ITGA11: variants seen among roughly 807,000 people sequenced by gnomAD.
ITGA11 encodes the protein integrin subunit alpha 11, also known as integrin alpha-11.
ITGA11 carries 97 observed loss-of-function variants against 141.9 expected under a neutral mutation model. That is an observed-to-expected ratio of 0.68 (90% confidence interval 0.58 to 0.81). ITGA11 has a LOEUF of 0.81. Ranked by LOEUF, ITGA11 falls within the 30% of genes least tolerant of loss-of-function variation. ITGA11 has a pLI of 0.00. For synonymous variants in ITGA11, 658 were observed against 624.6 expected (o/e 1.05, Z -0.80); for missense variants, 1,387 against 1,559.2 (o/e 0.89, Z 1.86).
intron 4 of ITGA11, chr15:68,361,913 A>C: frequency 2.0e-6 from 1 of 490,334 alleles, no homozygotes; most frequent in Non-Finnish European, 3.7e-6. Context: ...AATGGAGAAA[A>C]ACTGATCTTG....
At chr15:68,375,659 G>A (rs1242354428) in intron 2 of ITGA11, among the ~76,000 whole-genome samples, 1 of 152,218 alleles carries the variant, frequency 6.6e-6, no homozygotes, top group African/African-American at 2.4e-5. Context: ...AGGGAAACGA[G>A]AGCCCCTCTG....
In ITGA11 at chr15:68,416,662, A is replaced by G. The variant is rs1019378386; in HGVS notation, c.53-13633T>C. Among the ~76,000 whole-genome samples the G allele has an allele frequency of 2.0e-5, 3 of 152,304 alleles. No homozygotes were observed. The East Asian group carries it at 5.8e-4, about 29-fold the overall frequency. On this transcript the variant is annotated intron_variant, in intron 1 of 29. Transcript: ENST00000315757. ...GGGTCATGGCTGGGTGCGGTGGCTC[A>G]CACCTATAATCCTAGCACTTTGGGA...
intron 1 of ITGA11, among the ~76,000 whole-genome samples, chr15:68,409,691 C>T (rs1185802088): frequency 1.3e-5 from 2 of 152,040 alleles, no homozygotes; most frequent in African/African-American, 4.8e-5. Flanking sequence ...TAATTGTGTA[C>T]ATGAACAAAG....
chr15:68,331,101 G>A lies in ITGA11; in HGVS notation c.1781C>T (p.Ala594Val). Residue 594 changes from alanine to valine, a missense_variant, in exon 15 of 30, where the codon GCC becomes GTC. Coordinates refer to ENST00000315757, the MANE Select transcript of ITGA11 (RefSeq NM_001004439.2). The part of the protein sequence containing the change: ...ILKTPKQRIT[A>V]SELATGLQYF... The stretch of plus-strand genomic sequence containing the variant: ...CTGGAGGCCGGTAGCCAGCTCTGAG[G>A]CTGTGATTCTCTGCAGGGCGCGGGA... 1.9e-6 allele frequency: 3 copies of A among 1,597,276 alleles called. No individual in the cohort carries two copies. The highest frequency in any genetic ancestry group is 1.7e-6 in the Non-Finnish European group (2 of 1,172,144).
At chr15:68,414,927 C>T (rs539920121) in intron 1 of ITGA11, among the ~76,000 whole-genome samples, 2 of 152,288 alleles carry the variant, frequency 1.3e-5, no homozygotes, top group Non-Finnish European at 2.9e-5. Context: ...TGATGCCAAG[C>T]CAGTTCTTAC....
intron 3 of ITGA11, among the ~76,000 whole-genome samples, chr15:68,367,986 C>A (rs1452054182): frequency 6.6e-6 from 1 of 152,188 alleles, no homozygotes; most frequent in Non-Finnish European, 1.5e-5. Context: ...AGTTTGGGCC[C>A]CGGCTATGCT....
intron 8 of ITGA11, 97 bp from the exon 9 acceptor site, chr15:68,350,879 G>T: frequency 7.9e-7 from 1 of 1,257,902 alleles, no homozygotes; most frequent in Non-Finnish European, 1.1e-6. Context: ...AGGGTGGGCT[G>T]GAGCCAGGGC....
rs1377720987 is a variant in ITGA11, at chr15:68,302,580, G to T, written c.*479C>A. 1 of 153,618 alleles carries T rather than the reference G, an allele frequency of 6.5e-6. No individual in the cohort carries two copies. The highest frequency in any genetic ancestry group is 2.4e-5 in the African/African-American group (1 of 41,474). 9.5% of individuals were successfully genotyped at this position (153,618 alleles called of 1,614,324 possible). ...AGTGGGTGTGACTTGGGAGCCAATG[G>T]AGGGGTGGGATGGGTGAGAGAAAAG... is the stretch of plus-strand genomic sequence containing the variant. On this transcript the variant is annotated 3_prime_UTR_variant, in exon 30 of 30. Transcript: ENST00000315757.
Position 68,307,585 on chromosome 15 carries a change from C to T in ITGA11, c.3285+1G>A. 6.2e-7 allele frequency: 1 copy of T among 1,608,618 alleles called. No homozygotes were observed. The highest frequency in any genetic ancestry group is 1.1e-5 in the South Asian group (1 of 90,612). On this transcript the variant is annotated splice_donor_variant, in intron 27 of 29. Coordinates refer to ENST00000315757, the MANE Select transcript of ITGA11 (RefSeq NM_001004439.2). LOFTEE classifies it high-confidence loss of function. This position sits in a 1 kb window ranked among gnomAD's most constrained non-coding sequence, Gnocchi z 6.1. ...CAGCCCAGCCCAGGGGCTCTACTTA[C>T]TGCTTTTAGGGACCTCAACCACAGG... is the stretch of plus-strand genomic sequence containing the variant.
rs375564290 is a variant in ITGA11 at position 68,315,717 on chromosome 15, C to T, written c.2726G>A (p.Arg909His). 29 of 1,611,450 alleles carry T rather than the reference C, an allele frequency of 1.8e-5. No individual in the cohort carries two copies. The highest frequency in any genetic ancestry group is 4.0e-5 in the African/African-American group (3 of 74,904). The change falls in exon 22 of 30, where the codon CGT becomes CAT. Residue 909 changes from arginine to histidine, a missense_variant. Transcript: ENST00000315757. ...GGATTTGCTGAACTCAAAATCAAGA[C>T]GGAAAGCCACCTGCAAGGAAGCAGT... ...FFRAKAKVAF[R>H]LDFEFSKSIF...
At chr15:68,391,310 C>A (rs777123746) in intron 2 of ITGA11, among the ~76,000 whole-genome samples, 26 of 152,188 alleles carry the variant, frequency 1.7e-4, no homozygotes, top group Admixed American at 3.3e-4. Context: ...CCTGGGGCAC[C>A]ATTTCTCTCC....
intron 2 of ITGA11, among the ~76,000 whole-genome samples, chr15:68,401,072 G>A (rs1254961979): frequency 6.9e-6 from 1 of 145,804 alleles, no homozygotes. Flanking sequence ...TTCACAAAAG[G>A]GGATACAAAA....
In ITGA11 at chr15:68,326,729, C is replaced by T. The variant is rs1893985562; in HGVS notation, c.2136G>A (p.Gly712=). 1 of 1,582,912 alleles carries T rather than the reference C, an allele frequency of 6.3e-7. No individual in the cohort carries two copies. Among genetic ancestry groups the T allele is most frequent in the Non-Finnish European group, 8.6e-7 (1 of 1,164,502 alleles). ...YTPRAHLDEG[G]DRFTNRAVLL... ...GTACGGCTCTGTTGGTGAATCGGTCCCCGCCCTCGTCCAGGTGGGCCCTCG... is the reference window on the plus strand; with the variant it reads ...GTACGGCTCTGTTGGTGAATCGGTCTCCGCCCTCGTCCAGGTGGGCCCTCG... The change falls in exon 17 of 30, where the codon GGG becomes GGA. Residue 712 remains glycine (G), a synonymous_variant. Coordinates refer to ENST00000315757, the MANE Select transcript of ITGA11 (RefSeq NM_001004439.2). This position sits in a 1 kb window ranked among gnomAD's most constrained non-coding sequence, Gnocchi z 6.8.
rs144807500 is a variant in ITGA11, at chr15:68,392,435, G to C, written c.164+10483C>G. Among the ~76,000 whole-genome samples the C allele has an allele frequency of 2.0e-3, 300 of 152,314 alleles. 1 individual carries two copies. Among genetic ancestry groups the C allele is most frequent in the African/African-American group, 7.0e-3 (291 of 41,582 alleles). On this transcript the variant is annotated intron_variant, in intron 2 of 29. Transcript: ENST00000315757. ...GCTGAAGCACAGGGAAATGGATGCA[G>C]AGAGTAGAAGTCTTGCTGGATGGAG...
In ITGA11 at chr15:68,321,069, C is replaced by G. The variant is rs1893789325; in HGVS notation, c.2408+349G>C. Among the ~76,000 whole-genome samples the G allele has an allele frequency of 6.6e-6, 1 of 152,060 alleles. No individual in the cohort carries two copies. The highest frequency in any genetic ancestry group is 1.5e-5 in the Non-Finnish European group (1 of 68,034). On this transcript the variant is annotated intron_variant, in intron 19 of 29. Transcript: ENST00000315757. This position sits in a 1 kb window ranked among gnomAD's most constrained non-coding sequence, Gnocchi z 4.9. ...TTCAGCCAGCGGGCCTAGAGGTCAC[C>G]TCATCTGGGGGCTGAAGGACAAGCA...
At chr15:68,358,685 C>G in intron 5 of ITGA11, 100 bp from the exon 6 acceptor site, 2 of 1,285,418 alleles carry the variant, frequency 1.6e-6, no homozygotes, top group Non-Finnish European at 2.1e-6. Context: ...TGACTCTGCT[C>G]CATATGTGTA....
intron 1 of ITGA11, among the ~76,000 whole-genome samples, chr15:68,403,609 C>G (rs972536653): frequency 2.7e-5 from 3 of 112,942 alleles, no homozygotes; most frequent in African/African-American, 3.9e-5. Context: ...CAAAATAAAC[C>G]TCTTTTCTTT....
Position 68,308,252 on chromosome 15 carries a change from G to A in ITGA11, c.3175-556C>T, listed in dbSNP as rs1893263646. ...AACAGGATCTAGTTTGAGGCACTAAGAAAGATAAGACATCAGTTTGAAAAG... is the reference window on the plus strand; with the variant it reads ...AACAGGATCTAGTTTGAGGCACTAAAAAAGATAAGACATCAGTTTGAAAAG... On this transcript the variant is annotated intron_variant, in intron 26 of 29. Transcript: ENST00000315757. This position sits in a 1 kb window ranked among gnomAD's most constrained non-coding sequence, Gnocchi z 5.2. Among the ~76,000 whole-genome samples, 1 of 152,130 alleles carries A rather than the reference G, an allele frequency of 6.6e-6. No homozygotes were observed.
intron 10 of ITGA11, among the ~76,000 whole-genome samples, chr15:68,343,143 G>C (rs1006964407): frequency 6.6e-6 from 1 of 152,104 alleles, no homozygotes; most frequent in Non-Finnish European, 1.5e-5. Flanking sequence ...GTACATGGTA[G>C]CTCTTCTCGT....
Sources: gnomAD v4.1 joint callset for allele counts (sites outside exome capture counted in the v4.1 genomes callset) on GRCh38, gnomAD v4.1.1 for gene constraint, Gnocchi (gnomAD v3.1) non-coding constraint, MANE v1.5 for transcripts, NCBI Gene and HGNC (gene_info 2026-07-23, HGNC 2026-07-21) for gene names.